EPHB1: variants seen among roughly 807,000 people sequenced by gnomAD.
EPHB1 encodes ephrin type-B receptor 1.
In EPHB1, 30 loss-of-function variants were observed where a neutral mutation model predicts 94.4. The observed-to-expected ratio is 0.32, with a 90% CI of 0.24 to 0.43. The LOEUF (loss-of-function observed/expected upper bound fraction) is 0.43, where lower values mean the gene tolerates loss of function less well. Ranked by LOEUF, EPHB1 falls within the 20% of genes least tolerant of loss-of-function variation. The pLI is 1.00. For missense variants in EPHB1, 1,055 were observed against 1,308.3 expected (o/e 0.81, Z 2.99); for synonymous variants, 522 against 489.1 (o/e 1.07, Z -0.89).
intron 2 of EPHB1, among the ~76,000 whole-genome samples, chr3:134,950,142 C>A (rs185482778): frequency 9.4e-4 from 143 of 152,330 alleles, no homozygotes; most frequent in African/African-American, 3.2e-3. Context: ...CTGAAAGTTG[C>A]TGGGAATAGT....
intron 1 of EPHB1, among the ~76,000 whole-genome samples, chr3:134,816,544 C>T (rs567251329): frequency 5.3e-5 from 8 of 152,176 alleles, no homozygotes; most frequent in African/African-American, 1.9e-4. Context: ...CTCACATGAT[C>T]GTTGTGAGAT....
intron 3 of EPHB1, among the ~76,000 whole-genome samples, chr3:134,973,425 CTTTTTTTTTT>C (rs10664147): frequency 5.1e-4 from 46 of 91,016 alleles, no homozygotes; most frequent in African/African-American, 2.1e-3. Context: ...GTCTTCTAGT[CTTTTTTTTTT>C]TTTTTTTTTT....
At chr3:134,798,829 C>T (rs1176870738) in intron 1 of EPHB1, among the ~76,000 whole-genome samples, 1 of 152,198 alleles carries the variant, frequency 6.6e-6, no homozygotes, top group Non-Finnish European at 1.5e-5. Context: ...CACATTGGCC[C>T]TCCTGGGAGG....
rs78594653 is a variant in EPHB1, at chr3:134,802,280, A to C, written c.58+6591A>C. ...TGAAACCCCATCTCTGCTAAAAAAA[A>C]CAAAAAAACAAAAAAATACTGTGCC... is the stretch of plus-strand genomic sequence containing the variant. On this transcript the variant is annotated intron_variant, in intron 1 of 15. Transcript: ENST00000398015. 6.7e-3 allele frequency among the ~76,000 whole-genome samples: 1,024 copies of C among 152,076 alleles called. 6 individuals carry two copies. The highest frequency in any genetic ancestry group is 0.023 in the African/African-American group (960 of 41,454).
At chr3:135,241,581 A>G (rs1474397143) in intron 13 of EPHB1, among the ~76,000 whole-genome samples, 1 of 152,198 alleles carries the variant, frequency 6.6e-6, no homozygotes, top group Non-Finnish European at 1.5e-5. Flanking sequence ...GAGGACCATG[A>G]ATAGATCAGC....
At chr3:135,112,676 G>T (rs1939504392) in intron 4 of EPHB1, among the ~76,000 whole-genome samples, 1 of 151,348 alleles carries the variant, frequency 6.6e-6, no homozygotes, top group Admixed American at 6.6e-5. Flanking sequence ...TGCTGAGAAT[G>T]ATGGTTTCCA....
intron 5 of EPHB1, among the ~76,000 whole-genome samples, chr3:135,143,695 T>G (rs1940907138): frequency 6.6e-6 from 1 of 152,164 alleles, no homozygotes; most frequent in Admixed American, 6.5e-5. Context: ...CCAGTTGACA[T>G]GTGAGTACCA....
intron 2 of EPHB1, among the ~76,000 whole-genome samples, chr3:134,937,394 T>G (rs2039023808): frequency 6.6e-6 from 1 of 152,182 alleles, no homozygotes. Flanking sequence ...AGACTGGGAA[T>G]TTCCTCCATT....
intron 12 of EPHB1, among the ~76,000 whole-genome samples, chr3:135,204,841 T>C (rs962414158): frequency 1.3e-5 from 2 of 151,516 alleles, no homozygotes; most frequent in African/African-American, 4.9e-5. Context: ...TATTGTTGAC[T>C]ATAGTTACCC....
intron 1 of EPHB1, among the ~76,000 whole-genome samples, chr3:134,891,957 G>C (rs770719653): frequency 1.3e-5 from 2 of 152,218 alleles, no homozygotes; most frequent in Non-Finnish European, 2.9e-5. Context: ...GCCTCCTACT[G>C]TAGCTCATAT....
chr3:134,988,720 TC>T (rs1481126721), intron 3 of EPHB1, among the ~76,000 whole-genome samples: 4 of 152,220 alleles, frequency 2.6e-5, no homozygotes, highest in Non-Finnish European at 4.4e-5. Flanking sequence ...TAGTAATCCT[TC>T]CCCAACCACA....
At chr3:135,025,181 T>C (rs1336337700) in intron 3 of EPHB1, among the ~76,000 whole-genome samples, 31 of 134,156 alleles carry the variant, frequency 2.3e-4, no homozygotes, top group Non-Finnish European at 3.4e-4. Flanking sequence ...TTTTTTTTTT[T>C]CAAGAAGGTT....
chr3:134,866,558 G>C, intron 1 of EPHB1, among the ~76,000 whole-genome samples: 1 of 152,190 alleles, frequency 6.6e-6, no homozygotes, highest in East Asian at 1.9e-4. Context: ...CTGCTGGAGT[G>C]GGGGTATGGG....
chr3:134,947,258 T>A (rs2039232475), intron 2 of EPHB1, among the ~76,000 whole-genome samples: 1 of 152,154 alleles, frequency 6.6e-6, no homozygotes, highest in Non-Finnish European at 1.5e-5. Context: ...TATGTTTGTC[T>A]CTCTCTGTTG....
intron 1 of EPHB1, among the ~76,000 whole-genome samples, chr3:134,827,363 GCACACACA>G (rs61002729): frequency 4.0e-5 from 6 of 150,858 alleles, no homozygotes; most frequent in African/African-American, 1.2e-4. Context: ...GGGTGCGCGT[GCACACACA>G]CACACACACA....
chr3:134,818,107 T>C (rs528051943), intron 1 of EPHB1, among the ~76,000 whole-genome samples: 1 of 152,340 alleles, frequency 6.6e-6, no homozygotes, highest in African/African-American at 2.4e-5. Context: ...GGAAGGCATG[T>C]CCAGGTACTG....
At position 135,192,801 on chromosome 3, in the gene EPHB1, G is replaced by A. The variant is rs1219416373; in HGVS notation, c.2108G>A (p.Gly703Asp). The A allele has an allele frequency of 6.2e-7, 1 of 1,614,102 alleles. No individual in the cohort carries two copies. The highest frequency in any genetic ancestry group is 8.5e-7 in the Non-Finnish European group (1 of 1,179,960). ...ATCATCACAGAGTTCATGGAGAATG[G>A]TGCATTGGATTCTTTCCTCAGGGTA... The part of the protein sequence containing the change: ...VMIITEFMEN[G>D]ALDSFLRQND... The change falls in exon 11 of 16, where the codon GGT becomes GAT. Residue 703 changes from glycine to aspartate, a missense_variant. Transcript: ENST00000398015.
intron 4 of EPHB1, among the ~76,000 whole-genome samples, chr3:135,113,681 G>A (rs1368954374): frequency 6.6e-6 from 1 of 152,180 alleles, no homozygotes; most frequent in Non-Finnish European, 1.5e-5. Context: ...CCTCACTCCT[G>A]GCCATTGGTC....
rs1341771878 is a variant in EPHB1, at chr3:135,192,635, G to T, written c.1942G>T (p.Val648Leu). ...ACTGCCAGGCAAGAGGGAAATCTAC[G>T]TGGCCATCAAGACCCTGAAGGCAGG... The part of the protein sequence containing the change: ...LKLPGKREIY[V>L]AIKTLKAGYS... The change falls in exon 11 of 16, where the codon GTG becomes TTG. Residue 648 changes from valine (V) to leucine (L), a missense_variant. By Grantham distance (32) the Val-to-Leu change is conservative. Coordinates refer to ENST00000398015, the MANE Select transcript of EPHB1 (RefSeq NM_004441.5). 1.9e-6 allele frequency: 3 copies of T among 1,613,974 alleles called. No individual in the cohort carries two copies. Among genetic ancestry groups the T allele is most frequent in the Non-Finnish European group, 8.5e-7 (1 of 1,180,002 alleles).
Sources: gnomAD v4.1 joint callset for allele counts (sites outside exome capture counted in the v4.1 genomes callset) on GRCh38, gnomAD v4.1.1 for gene constraint, MANE v1.5 for transcripts, NCBI Gene and HGNC (gene_info 2026-07-23, HGNC 2026-07-21) for gene names.